Variants in JAK1 observed in about 807,000 individuals in gnomAD.
The protein encoded by JAK1 is Janus kinase 1.
JAK1 carries 16 observed loss-of-function variants against 136.6 expected under a neutral mutation model. The ratio of observed to expected loss-of-function variants is 0.12; its 90% CI spans 0.08 to 0.18. The LOEUF (loss-of-function observed/expected upper bound fraction) is 0.18. Ranked by LOEUF, JAK1 falls within the 10% of genes least tolerant of loss-of-function variation. The pLI is 1.00. For synonymous variants in JAK1, 492 were observed against 519.5 expected (o/e 0.95, Z 0.72); for missense variants, 859 against 1,450.1 (o/e 0.59, Z 6.62).
intron 3 of JAK1, among the ~76,000 whole-genome samples, chr1:64,881,525 C>T (rs927801974): frequency 4.6e-5 from 7 of 152,040 alleles, no homozygotes; most frequent in Non-Finnish European, 5.9e-5. Context: ...ACAATACTGC[C>T]CTCAAACATC....
Position 65,038,927 on chromosome 1 carries a change from C to T in JAK1, c.-78+5553G>A, listed in dbSNP as rs906063678. On this transcript the variant is annotated intron_variant, in intron 2 of 25. Transcript: ENST00000671954. ...TGCTGGGATTACAGGCGTGAGCCAC[C>T]GCACCCAGTCTTGTGTGTGTGTGTG... Among the ~76,000 whole-genome samples, 15 of 138,122 alleles carry T rather than the reference C, an allele frequency of 1.1e-4. No homozygotes were observed. The East Asian group carries it at 1.4e-3, about 13-fold the overall frequency. The allele number at this position is 138,122 out of a possible 152,430, so 90.6% of individuals were successfully genotyped here.
intron 1 of JAK1, among the ~76,000 whole-genome samples, chr1:64,953,006 A>G (rs1217675674): frequency 1.3e-5 from 2 of 152,160 alleles, no homozygotes; most frequent in Admixed American, 1.3e-4. Context: ...AAACATACAG[A>G]CTGGTCGCAG....
At chr1:65,000,300 CA>C (rs1333958270) in intron 2 of JAK1, among the ~76,000 whole-genome samples, 2 of 152,026 alleles carry the variant, frequency 1.3e-5, no homozygotes, top group Non-Finnish European at 2.9e-5. Context: ...CCAGCAATAC[CA>C]CTTCCAGAAA....
intron 1 of JAK1, among the ~76,000 whole-genome samples, chr1:65,060,033 T>A (rs1349105602): frequency 6.6e-6 from 1 of 152,048 alleles, no homozygotes; most frequent in Non-Finnish European, 1.5e-5. Flanking sequence ...AAAACAACAT[T>A]GCCTAAAATG....
chr1:64,952,491 C>A (rs1478347749), intron 1 of JAK1, among the ~76,000 whole-genome samples: 1 of 152,140 alleles, frequency 6.6e-6, no homozygotes, highest in East Asian at 1.9e-4. Context: ...ATAGGAGTAT[C>A]CTTAACACCT....
intron 1 of JAK1, among the ~76,000 whole-genome samples, chr1:65,059,038 A>C (rs1208382722): frequency 6.6e-6 from 1 of 151,770 alleles, no homozygotes; most frequent in Non-Finnish European, 1.5e-5. Flanking sequence ...ATGTTTTCTC[A>C]TTTGGTTTTC....
chr1:65,053,518 C>CA (rs1296737340), intron 1 of JAK1, among the ~76,000 whole-genome samples: 1 of 152,128 alleles, frequency 6.6e-6, no homozygotes, highest in Non-Finnish European at 1.5e-5. Flanking sequence ...AGGTTTGTCT[C>CA]AAAGAGCAAC....
At position 64,904,746 on chromosome 1, in the gene JAK1, T is replaced by C. The variant is rs12048542; in HGVS notation, c.-77-18405A>G. On this transcript the variant is annotated intron_variant, in intron 1 of 24. Transcript: ENST00000342505. ...TATTCACATTCCCCACACACATATATACACACACACACACCCTATAAAATT... is the reference window on the plus strand; with the variant it reads ...TATTCACATTCCCCACACACATATACACACACACACACACCCTATAAAATT... Among the ~76,000 whole-genome samples the C allele has an allele frequency of 7.3e-5, 11 of 150,970 alleles. No individual in the cohort carries two copies. In the East Asian group the frequency reaches 7.8e-4, roughly 11 times the overall value.
chr1:64,935,937 G>A (rs1027063669), intron 1 of JAK1, among the ~76,000 whole-genome samples: 1 of 152,172 alleles, frequency 6.6e-6, no homozygotes, highest in African/African-American at 2.4e-5. Flanking sequence ...ACAGACCGGT[G>A]TGTGTCTCAA....
intron 1 of JAK1, among the ~76,000 whole-genome samples, chr1:64,937,402 TG>T (rs760511986): frequency 2.6e-5 from 4 of 152,202 alleles, no homozygotes; most frequent in Non-Finnish European, 2.9e-5. Context: ...TTATTCTAGT[TG>T]TATGGAGTCA....
chr1:65,040,384 G>C (rs1647118971), intron 2 of JAK1, among the ~76,000 whole-genome samples: 1 of 152,080 alleles, frequency 6.6e-6, no homozygotes, highest in South Asian at 2.1e-4. Flanking sequence ...TCCAGCCTGT[G>C]CTTCTGTCAT....
In JAK1 at chr1:64,833,746, G is replaced by A. The variant is rs1443669564; in HGVS notation, c.*816C>T. On this transcript the variant is annotated 3_prime_UTR_variant, in exon 25 of 25. Transcript: ENST00000342505. Reference sequence around the variant, plus strand: ...GAATAGCTTGCCCCAAAGTGGTAGAGTTATAAAAGGATATACATTGACGTT... The same window carrying A: ...GAATAGCTTGCCCCAAAGTGGTAGAATTATAAAAGGATATACATTGACGTT... 1 of 233,136 alleles carries A rather than the reference G, an allele frequency of 4.3e-6. No individual in the cohort carries two copies. 14.4% of individuals were successfully genotyped at this position (233,136 alleles called of 1,614,324 possible). A position where few individuals can be genotyped will look rare whatever the true frequency, so the allele number is the denominator to read the frequency against.
intron 1 of JAK1, among the ~76,000 whole-genome samples, chr1:64,963,229 C>T (rs1022411864): frequency 6.6e-6 from 1 of 152,154 alleles, no homozygotes; most frequent in Non-Finnish European, 1.5e-5. Context: ...TCTCATCATT[C>T]TCTGAATCCT....
intron 5 of JAK1, among the ~76,000 whole-genome samples, chr1:64,871,587 C>T (rs745552404): frequency 6.6e-6 from 1 of 152,212 alleles, no homozygotes; most frequent in African/African-American, 2.4e-5. Flanking sequence ...CCCCCAAGAC[C>T]TTCCCTGTGT....
chr1:64,896,524 T>C (rs892949620), intron 1 of JAK1, among the ~76,000 whole-genome samples: 3 of 152,212 alleles, frequency 2.0e-5, no homozygotes, highest in Non-Finnish European at 2.9e-5. Context: ...AAATAACTAA[T>C]TGGGCTAAAT....
At chr1:64,889,417 T>A (rs1456748121) in intron 1 of JAK1, among the ~76,000 whole-genome samples, 1 of 152,208 alleles carries the variant, frequency 6.6e-6, no homozygotes, top group Non-Finnish European at 1.5e-5. Flanking sequence ...AATTTATTTA[T>A]AAAATTGTCA....
At chr1:64,946,441 T>C (rs1371420379) in intron 1 of JAK1, among the ~76,000 whole-genome samples, 2 of 152,244 alleles carry the variant, frequency 1.3e-5, no homozygotes, top group African/African-American at 4.8e-5. Flanking sequence ...CTCATGCTCT[T>C]GTCTGCTAAA....
chr1:64,871,311 G>T (rs1657059443), intron 5 of JAK1, among the ~76,000 whole-genome samples: 1 of 152,072 alleles, frequency 6.6e-6, no homozygotes, highest in Non-Finnish European at 1.5e-5. Flanking sequence ...ACACATAATG[G>T]TATACTCTAA....
At chr1:64,978,017 C>T (rs900250611) in intron 2 of JAK1, among the ~76,000 whole-genome samples, 1 of 151,972 alleles carries the variant, frequency 6.6e-6, no homozygotes, top group Admixed American at 6.5e-5. Flanking sequence ...TGGTGGCTCA[C>T]GCCTGTAACC....
Sources: allele counts gnomAD v4.1 joint callset (sites outside exome capture counted in the v4.1 genomes callset), GRCh38; gene constraint gnomAD v4.1.1; transcripts MANE v1.5; gene names NCBI Gene and HGNC (gene_info 2026-07-23, HGNC 2026-07-21).